CTTNBP2NL: variants seen among roughly 807,000 people sequenced by gnomAD.
CTTNBP2NL encodes the protein CTTNBP2 N-terminal-like protein.
Under a neutral mutation model 32.5 loss-of-function variants are expected in CTTNBP2NL, and 16 were observed. That is an observed-to-expected ratio of 0.49 (90% CI 0.33 to 0.75). CTTNBP2NL has a LOEUF of 0.75. Among genes scored for constraint, CTTNBP2NL ranks in the 30% least tolerant of loss-of-function variants. CTTNBP2NL has a pLI of 0.02. For missense variants in CTTNBP2NL, 645 were observed against 756.0 expected, an observed-to-expected ratio of 0.85 and a Z score of 1.72; for synonymous variants, 298 against 289.4, an observed-to-expected ratio of 1.03 and a Z score of -0.30.
chr1:112,397,581 G>C (rs928336328), intron 1 of CTTNBP2NL, among the ~76,000 whole-genome samples: 6 of 152,174 alleles, frequency 3.9e-5, no homozygotes, highest in African/African-American at 1.4e-4. Flanking sequence ...TTACCAAAAA[G>C]TGCCTCTTCT....
chr1:112,421,055 T>G (rs1403084210), intron 3 of CTTNBP2NL, among the ~76,000 whole-genome samples: 4 of 152,144 alleles, frequency 2.6e-5, no homozygotes, highest in Non-Finnish European at 4.4e-5. Flanking sequence ...AAGTGCTCAG[T>G]GCTCATTTAC....
At chr1:112,396,732 G>A (rs1219202433) in intron 1 of CTTNBP2NL, 1 of 152,270 alleles carries the variant, frequency 6.6e-6, no homozygotes, top group Non-Finnish European at 1.5e-5. Flanking sequence ...CAAAAAGGAG[G>A]GATGGGGCGA....
chr1:112,398,218 A>T (rs1648388516), intron 1 of CTTNBP2NL, among the ~76,000 whole-genome samples: 1 of 152,214 alleles, frequency 6.6e-6, no homozygotes, highest in Non-Finnish European at 1.5e-5. Flanking sequence ...AAAGCAAATA[A>T]TATTCTTTTA....
At chr1:112,418,687 G>A (rs1428347972) in intron 3 of CTTNBP2NL, among the ~76,000 whole-genome samples, 1 of 152,036 alleles carries the variant, frequency 6.6e-6, no homozygotes, top group Non-Finnish European at 1.5e-5. Flanking sequence ...TGAACTGTCT[G>A]GGGGAAGCAG....
At chr1:112,426,001 GTGTC>G (rs36168869) in intron 3 of CTTNBP2NL, among the ~76,000 whole-genome samples, 11,633 of 72,336 alleles carry the variant, frequency 0.16, 600 homozygotes, top group South Asian at 0.27. Context: ...GTGTGTGTGT[GTGTC>G]TGTCTGTCTT....
At chr1:112,451,727 A>T (rs146846614) in intron 4 of CTTNBP2NL, among the ~76,000 whole-genome samples, 4,198 of 148,926 alleles carry the variant, frequency 0.028, 193 homozygotes, top group African/African-American at 0.097. Flanking sequence ...CTGAGATCAC[A>T]CCACTGTAAT....
At chr1:112,416,409 C>A in intron 3 of CTTNBP2NL, 145 bp downstream of exon 3, 1 of 557,630 alleles carries the variant, frequency 1.8e-6, no homozygotes, top group Non-Finnish European at 3.1e-6. Context: ...TAGCCACCTA[C>A]ATTGTGTGTT....
intron 3 of CTTNBP2NL, among the ~76,000 whole-genome samples, chr1:112,440,521 T>C (rs1649864185): frequency 6.6e-6 from 1 of 152,338 alleles, no homozygotes; most frequent in Admixed American, 6.5e-5. Flanking sequence ...TACACACCTA[T>C]ATTCTTATGC....
At chr1:112,395,285 G>A (rs2100985140), upstream of CTTNBP2NL, among the ~76,000 whole-genome samples, 1 of 152,334 alleles carries the variant, frequency 6.6e-6, no homozygotes, top group South Asian at 2.1e-4. Context: ...TGAGCTGACA[G>A]CCATTCTGTG....
intron 4 of CTTNBP2NL, among the ~76,000 whole-genome samples, chr1:112,453,386 A>G (rs982351375): frequency 2.0e-5 from 3 of 152,204 alleles, no homozygotes; most frequent in African/African-American, 7.2e-5. Context: ...CTTCTGAAGC[A>G]TGAGCAGAAG....
intron 3 of CTTNBP2NL, among the ~76,000 whole-genome samples, chr1:112,418,452 C>T (rs1649128233): frequency 6.6e-6 from 1 of 152,008 alleles, no homozygotes; most frequent in Non-Finnish European, 1.5e-5. Context: ...TAATGTAACA[C>T]ATTATTCAGT....
rs145610730 is a variant in CTTNBP2NL, at chr1:112,441,117, G to A, written c.100-7825G>A. ...CATTTCAATTCAATGTGTTTTTACA[G>A]ATGCACACATCCACATAACCCACAC... On this transcript the variant is annotated intron_variant, in intron 3 of 5. Transcript: ENST00000271277. 2.4e-4 allele frequency among the ~76,000 whole-genome samples: 36 copies of A among 152,268 alleles called. No individual in the cohort carries two copies. In the East Asian group the frequency reaches 6.2e-3, roughly 26 times the overall value.
At chr1:112,446,923 G>A (rs1650060109) in intron 3 of CTTNBP2NL, among the ~76,000 whole-genome samples, 1 of 152,150 alleles carries the variant, frequency 6.6e-6, no homozygotes, top group Non-Finnish European at 1.5e-5. Flanking sequence ...ATCCTAAATG[G>A]ACTGGAGGTT....
chr1:112,394,990 G>A (rs903404218), upstream of CTTNBP2NL, among the ~76,000 whole-genome samples: 2 of 152,200 alleles, frequency 1.3e-5, no homozygotes, highest in Non-Finnish European at 2.9e-5. Context: ...GTGATAACAT[G>A]ATAAATACTT....
chr1:112,420,102 G>A (rs1649180144), intron 3 of CTTNBP2NL, among the ~76,000 whole-genome samples: 1 of 150,736 alleles, frequency 6.6e-6, no homozygotes, highest in Non-Finnish European at 1.5e-5. Context: ...ATTAATCAGT[G>A]ACCATTTGTG....
intron 4 of CTTNBP2NL, among the ~76,000 whole-genome samples, chr1:112,451,552 A>G (rs941933939): frequency 6.6e-6 from 1 of 151,422 alleles, no homozygotes; most frequent in Admixed American, 6.6e-5. Context: ...CAGGCAGATC[A>G]CTTGAGGTCA....
rs1393486773 is a variant in CTTNBP2NL at position 112,457,294 on chromosome 1, A to G, written c.1802A>G (p.Lys601Arg). Residue 601 changes from lysine to arginine, a missense_variant, in exon 6 of 6, where the codon AAA (lysine) becomes AGA (arginine). Lys to Arg is a conservative substitution (Grantham distance 26). Transcript: ENST00000271277. ...PSPSATTPLT[K>R]THSQAASLTT... ...CCATCTGCTACCACTCCATTGACCAAAACTCATTCCCAGGCAGCCTCTTTG... is the reference window on the plus strand; with the variant it reads ...CCATCTGCTACCACTCCATTGACCAGAACTCATTCCCAGGCAGCCTCTTTG... 29 of 1,613,976 alleles carry G rather than the reference A, an allele frequency of 1.8e-5. No homozygotes were observed. The highest frequency in any genetic ancestry group is 2.1e-5 in the Non-Finnish European group (25 of 1,180,022).
intron 1 of CTTNBP2NL, among the ~76,000 whole-genome samples, chr1:112,404,047 A>C (rs1252178705): frequency 3.3e-5 from 5 of 152,248 alleles, no homozygotes; most frequent in South Asian, 4.1e-4. Flanking sequence ...CTCCTGTTAC[A>C]GTATGTATTG....
chr1:112,413,218 A>G lies in CTTNBP2NL; in HGVS notation c.-10+901A>G, dbSNP rs117067261. Among the ~76,000 whole-genome samples the G allele has an allele frequency of 4.6e-5, 7 of 152,296 alleles. No homozygotes were observed. The East Asian group carries it at 1.3e-3, about 29-fold the overall frequency. On this transcript the variant is annotated intron_variant, in intron 2 of 5. Transcript: ENST00000271277. Reference sequence around the variant, plus strand: ...CTTTGTATATGTACCTCTTATTTTTATTTTATTAGAATCTAACAAATAATA... The same window carrying G: ...CTTTGTATATGTACCTCTTATTTTTGTTTTATTAGAATCTAACAAATAATA...
Sources: gnomAD v4.1 joint callset for allele counts (sites outside exome capture counted in the v4.1 genomes callset) on GRCh38, gnomAD v4.1.1 for gene constraint, MANE v1.5 for transcripts, NCBI Gene and HGNC (gene_info 2026-07-23, HGNC 2026-07-21) for gene names.